The following ADGRL3 variants were observed in gnomAD, a reference collection of about 807,000 sequenced individuals.
ADGRL3 encodes calcium-independent alpha-latrotoxin receptor 3.
ADGRL3 carries 62 observed loss-of-function variants against 153.5 expected under a neutral mutation model. The ratio of observed to expected loss-of-function variants is 0.40; its 90% confidence interval spans 0.33 to 0.50. ADGRL3 has a LOEUF of 0.50. Ranked by LOEUF, ADGRL3 falls within the 20% of genes least tolerant of loss-of-function variation. ADGRL3 has a pLI of 0.47. For synonymous variants in ADGRL3, 710 were observed against 672.5 expected, an observed-to-expected ratio of 1.06 and a Z score of -0.86; for missense variants, 1,641 against 1,859.4, an observed-to-expected ratio of 0.88 and a Z score of 2.16.
At chr4:61,434,500 A>C (rs2097419520) in intron 2 of ADGRL3, among the ~76,000 whole-genome samples, 1 of 152,104 alleles carries the variant, frequency 6.6e-6, no homozygotes, top group African/African-American at 2.4e-5. Flanking sequence ...TGTAGTGCTA[A>C]AAATGAAATG....
intron 8 of ADGRL3, among the ~76,000 whole-genome samples, chr4:61,739,371 C>G (rs1162972289): frequency 6.6e-6 from 1 of 151,636 alleles, no homozygotes; most frequent in Non-Finnish European, 1.5e-5. Flanking sequence ...CAGTGCCACA[C>G]AGTCTCGGCT....
At chr4:61,852,529 G>T (rs2098217981) in intron 9 of ADGRL3, among the ~76,000 whole-genome samples, 1 of 152,028 alleles carries the variant, frequency 6.6e-6, no homozygotes, top group Non-Finnish European at 1.5e-5. Flanking sequence ...TGGCCAGGCT[G>T]GTCTCAAACT....
At chr4:61,462,972 T>C (rs2097841761) in intron 2 of ADGRL3, among the ~76,000 whole-genome samples, 1 of 152,164 alleles carries the variant, frequency 6.6e-6, no homozygotes, top group Admixed American at 6.6e-5. Flanking sequence ...CCAAGGTCTC[T>C]GCTAGAAAAA....
intron 6 of ADGRL3, among the ~76,000 whole-genome samples, chr4:61,688,385 T>C (rs1459548633): frequency 2.0e-5 from 3 of 152,104 alleles, no homozygotes; most frequent in Admixed American, 2.0e-4. Context: ...CAGAGTTGAA[T>C]TTGTGTTCTA....
At chr4:61,648,193 C>T (rs1458615212) in intron 5 of ADGRL3, among the ~76,000 whole-genome samples, 1 of 151,926 alleles carries the variant, frequency 6.6e-6, no homozygotes. Context: ...CCTTTATACT[C>T]CTGGAATAAG....
At chr4:61,313,085 A>G (rs1382088939) in intron 1 of ADGRL3, among the ~76,000 whole-genome samples, 3 of 152,228 alleles carry the variant, frequency 2.0e-5, no homozygotes, top group Admixed American at 6.5e-5. Context: ...ACATGGGGAC[A>G]TCCTAAATGC....
At chr4:61,331,976 C>T (rs1050265307) in intron 1 of ADGRL3, among the ~76,000 whole-genome samples, 1 of 151,888 alleles carries the variant, frequency 6.6e-6, no homozygotes, top group Admixed American at 6.6e-5. Flanking sequence ...GCTTAAAGGC[C>T]AGCTTTTTAT....
chr4:61,528,846 G>C (rs1392389649), intron 4 of ADGRL3, among the ~76,000 whole-genome samples: 1 of 152,124 alleles, frequency 6.6e-6, no homozygotes, highest in Admixed American at 6.5e-5. Flanking sequence ...ATGCAAGGAA[G>C]CTCAATAGCT....
Position 61,481,617 on chromosome 4 carries a change from G to GT in ADGRL3, c.-173-15495dup, listed in dbSNP as rs947135547. On this transcript the variant is annotated intron_variant, in intron 2 of 26. Transcript: ENST00000683033. ...GGATTTTATATATTAATGAGTGTTT[G>GT]TTTTTTTTTGTCGAGACCACATGGA... 2.3e-3 allele frequency among the ~76,000 whole-genome samples: 347 copies of GT among 149,900 alleles called. 1 individual carries two copies. The highest frequency in any genetic ancestry group is 6.2e-3 in the African/African-American group (253 of 40,900).
chr4:61,570,861 A>G (rs1484335928), intron 4 of ADGRL3, among the ~76,000 whole-genome samples: 2 of 152,124 alleles, frequency 1.3e-5, no homozygotes, highest in African/African-American at 2.4e-5. Context: ...CTATATTACA[A>G]AGTTGTAATT....
At chr4:61,349,544 C>T (rs1314349676) in intron 1 of ADGRL3, among the ~76,000 whole-genome samples, 1 of 152,010 alleles carries the variant, frequency 6.6e-6, no homozygotes, top group Non-Finnish European at 1.5e-5. Context: ...AAAACAGTAT[C>T]CCTTTATAAC....
chr4:62,015,780 C>A (rs2099208412), intron 21 of ADGRL3, among the ~76,000 whole-genome samples: 1 of 151,796 alleles, frequency 6.6e-6, no homozygotes, highest in Non-Finnish European at 1.5e-5. Flanking sequence ...TTTCTGTTAG[C>A]TTCCCTTTCC....
intron 5 of ADGRL3, among the ~76,000 whole-genome samples, chr4:61,603,805 G>T (rs1382564801): frequency 6.6e-6 from 1 of 152,084 alleles, no homozygotes; most frequent in East Asian, 1.9e-4. Context: ...TGGTCACAGA[G>T]ATTCCAAATC....
chr4:61,523,798 T>C (rs1372502793), intron 4 of ADGRL3, among the ~76,000 whole-genome samples: 1 of 152,092 alleles, frequency 6.6e-6, no homozygotes, highest in East Asian at 1.9e-4. Context: ...CAGTCTTTTT[T>C]TCTATTGGTG....
intron 20 of ADGRL3, 43 bp downstream of exon 20, chr4:61,996,400 T>G: frequency 1.4e-6 from 2 of 1,400,582 alleles, no homozygotes; most frequent in South Asian, 2.3e-5. Context: ...GATCAAGAAG[T>G]AAAACTTTCA....
At chr4:61,761,542 C>G (rs1055415549) in intron 8 of ADGRL3, among the ~76,000 whole-genome samples, 3 of 152,022 alleles carry the variant, frequency 2.0e-5, no homozygotes, top group Non-Finnish European at 4.4e-5. Context: ...GCCCTTAGCC[C>G]CAGCACTTTA....
chr4:61,930,052 T>G (rs1056002964), intron 13 of ADGRL3, among the ~76,000 whole-genome samples: 9 of 151,912 alleles, frequency 5.9e-5, no homozygotes, highest in African/African-American at 2.2e-4. Flanking sequence ...GACGGGCGCC[T>G]GTAGTCCCAG....
At position 61,902,026 on chromosome 4, in the gene ADGRL3, G is replaced by A. The variant is rs577901804; in HGVS notation, c.1887+6192G>A. On this transcript the variant is annotated intron_variant, in intron 11 of 26. Coordinates refer to ENST00000683033, the MANE Select transcript of ADGRL3 (RefSeq NM_001387552.1). ...TGCCTATGTGCACAGAAAACTTGAG[G>A]CACATTCAACATATATGTATATTTT... 5.9e-5 allele frequency among the ~76,000 whole-genome samples: 9 copies of A among 152,206 alleles called. No individual in the cohort carries two copies. In the South Asian group the frequency reaches 1.5e-3, roughly 25 times the overall value.
intron 8 of ADGRL3, among the ~76,000 whole-genome samples, chr4:61,790,479 G>C (rs1440714377): frequency 6.6e-6 from 1 of 151,870 alleles, no homozygotes; most frequent in Non-Finnish European, 1.5e-5. Flanking sequence ...TTTTAAATTA[G>C]GAACAGTAAA....
Sources: allele counts gnomAD v4.1 joint callset (sites outside exome capture counted in the v4.1 genomes callset), GRCh38; gene constraint gnomAD v4.1.1; transcripts MANE v1.5; gene names NCBI Gene and HGNC (gene_info 2026-07-23, HGNC 2026-07-21).